PFDN2: variants seen among roughly 807,000 people sequenced by gnomAD.
The protein encoded by PFDN2 is prefoldin 2.
In PFDN2, 7 loss-of-function variants were observed where a neutral mutation model predicts 18.3. That is an observed-to-expected ratio of 0.38 (90% CI 0.22 to 0.72). The LOEUF (loss-of-function observed/expected upper bound fraction) is 0.72, where lower values mean the gene tolerates loss of function less well. PFDN2 is among the 30% of genes least tolerant of loss of function. PFDN2 has a pLI of 0.47. For missense variants in PFDN2, 181 were observed against 199.1 expected (o/e 0.91, Z 0.55); for synonymous variants, 76 against 75.0 (o/e 1.01, Z -0.07).
At chr1:161,102,214 C>G (rs376575550) in intron 2 of PFDN2, 43 bp from the exon 3 acceptor site, 1 of 1,613,888 alleles carries the variant, frequency 6.2e-7, no homozygotes, top group East Asian at 2.2e-5. Context: ...TTCAGCCCCA[C>G]TCTACTACAA....
At chr1:161,110,843 C>T (rs1571187593) in intron 1 of PFDN2, among the ~76,000 whole-genome samples, 2 of 118,258 alleles carry the variant, frequency 1.7e-5, no homozygotes, top group Non-Finnish European at 3.4e-5. Flanking sequence ...TTTGTAGAGA[C>T]TTTTTTTTTT....
intron 1 of PFDN2, among the ~76,000 whole-genome samples, chr1:161,105,652 T>C (rs966458764): frequency 2.3e-4 from 35 of 151,980 alleles, no homozygotes; most frequent in Non-Finnish European, 4.0e-4. Flanking sequence ...GAGATGGGGG[T>C]TCCACCATAT....
intron 1 of PFDN2, among the ~76,000 whole-genome samples, chr1:161,114,162 T>C (rs1412320000): frequency 6.6e-6 from 1 of 152,256 alleles, no homozygotes; most frequent in Non-Finnish European, 1.5e-5. Flanking sequence ...TCAGATTTCT[T>C]ACTGTATCTC....
intron 1 of PFDN2, among the ~76,000 whole-genome samples, chr1:161,114,356 C>A (rs114356158): frequency 0.019 from 2,900 of 152,294 alleles, 41 homozygotes; most frequent in Admixed American, 0.03. Flanking sequence ...TCTTTTACCC[C>A]CTTTTCTCCA....
rs546670890 is a variant in PFDN2, at chr1:161,109,100, T to C, written c.76-6725A>G. 3.3e-5 allele frequency among the ~76,000 whole-genome samples: 5 copies of C among 152,342 alleles called. No homozygotes were observed. In the South Asian group the frequency reaches 1.0e-3, roughly 32 times the overall value. ...AAGTCATATAAAGACCGGGTTCCAG[T>C]TTACCTCTCCCAATCAGTTGTTCCC... is the stretch of plus-strand genomic sequence containing the variant. On this transcript the variant is annotated intron_variant, in intron 1 of 3. Transcript: ENST00000368010.
chr1:161,111,305 A>G (rs1200672907), intron 1 of PFDN2, among the ~76,000 whole-genome samples: 2 of 152,162 alleles, frequency 1.3e-5, no homozygotes, highest in Non-Finnish European at 2.9e-5. Context: ...CAGTTTTGCC[A>G]TTTACTTGCT....
chr1:161,100,979 G>A (rs1368671838), intron 3 of PFDN2, 120 bp from the exon 4 acceptor site: 1 of 656,286 alleles, frequency 1.5e-6, no homozygotes, highest in Non-Finnish European at 2.6e-6. Flanking sequence ...AAGTAGAGGA[G>A]CCCAGACATT....
At chr1:161,106,130 T>C (rs576613481) in intron 1 of PFDN2, among the ~76,000 whole-genome samples, 29 of 152,236 alleles carry the variant, frequency 1.9e-4, no homozygotes, top group African/African-American at 6.7e-4. Flanking sequence ...TCTTTAAAAG[T>C]ATGACACCTA....
chr1:161,117,933 C>T lies in PFDN2; in HGVS notation c.75+19G>A. The T allele has an allele frequency of 1.9e-6, 3 of 1,599,396 alleles. No individual in the cohort carries two copies. The highest frequency in any genetic ancestry group is 2.6e-6 in the Non-Finnish European group (3 of 1,171,544). ...CCAGACCCAGGTGGGTACCCTGCTT[C>T]GCGTTAGCCACTCCTCACCTGCTCT... On this transcript the variant is annotated intron_variant, in intron 1 of 3. Transcript: ENST00000368010.
chr1:161,114,422 G>T (rs556134923), intron 1 of PFDN2, among the ~76,000 whole-genome samples: 16 of 152,226 alleles, frequency 1.1e-4, no homozygotes, highest in African/African-American at 3.9e-4. Flanking sequence ...TCCCAAACAT[G>T]CCAGGCAGTT....
Position 161,104,416 on chromosome 1 carries a change from G to C in PFDN2, c.76-2041C>G, listed in dbSNP as rs181372147. On this transcript the variant is annotated intron_variant, in intron 1 of 3. Transcript: ENST00000368010. ...ATGATTAACCACTTCATCTTTACTA[G>C]GGCCCTATCTCTTTTTTTCTTTTTC... 2.0e-4 allele frequency among the ~76,000 whole-genome samples: 31 copies of C among 151,350 alleles called. No individual in the cohort carries two copies. In the East Asian group the frequency reaches 5.6e-3, roughly 27 times the overall value.
At chr1:161,110,721 C>T (rs1042793444) in intron 1 of PFDN2, among the ~76,000 whole-genome samples, 1 of 152,058 alleles carries the variant, frequency 6.6e-6, no homozygotes, top group Non-Finnish European at 1.5e-5. Context: ...AGTTCAGTGC[C>T]CCCTTTTCTG....
intron 1 of PFDN2, 75 bp from the exon 2 acceptor site, chr1:161,102,450 AG>A: frequency 8.5e-7 from 1 of 1,177,336 alleles, no homozygotes; most frequent in Non-Finnish European, 1.3e-6. Flanking sequence ...ATAGGGTGGC[AG>A]GCTTTACAAA....
At chr1:161,117,887 C>A in intron 1 of PFDN2, 65 bp downstream of exon 1, 2 of 1,377,794 alleles carry the variant, frequency 1.5e-6, no homozygotes, top group South Asian at 1.3e-5. Flanking sequence ...AAGCCACAGG[C>A]TCCCCCTTCT....
At chr1:161,102,513 G>A (rs1571181597) in intron 1 of PFDN2, 138 bp from the exon 2 acceptor site, 1 of 628,240 alleles carries the variant, frequency 1.6e-6, no homozygotes, top group Non-Finnish European at 2.8e-6. Flanking sequence ...ACAAGTTTGC[G>A]ATTTCTACCT....
intron 1 of PFDN2, among the ~76,000 whole-genome samples, chr1:161,113,675 G>A (rs916602798): frequency 6.6e-6 from 1 of 152,174 alleles, no homozygotes; most frequent in African/African-American, 2.4e-5. Flanking sequence ...CAGTAACTTG[G>A]GAGGCTGAGG....
intron 1 of PFDN2, among the ~76,000 whole-genome samples, chr1:161,111,903 T>C (rs1654817971): frequency 6.6e-6 from 1 of 152,232 alleles, no homozygotes; most frequent in South Asian, 2.1e-4. Flanking sequence ...GGGTAACCTA[T>C]ACTATTTCAA....
intron 1 of PFDN2, among the ~76,000 whole-genome samples, chr1:161,106,170 G>T (rs1454232195): frequency 6.6e-6 from 1 of 152,022 alleles, no homozygotes; most frequent in Non-Finnish European, 1.5e-5. Context: ...CTCCCACTAT[G>T]CATAAGACAC....
chr1:161,110,011 G>A lies in PFDN2; in HGVS notation c.76-7636C>T, dbSNP rs185766557. 7.3e-4 allele frequency among the ~76,000 whole-genome samples: 111 copies of A among 151,550 alleles called. No homozygotes were observed. The East Asian group carries it at 0.014, about 19-fold the overall frequency. On this transcript the variant is annotated intron_variant, in intron 1 of 3. Transcript: ENST00000368010. ...GGAAGTTGCAGTGAACCCAGATTGT[G>A]CCATTACACTCCAGCCTGGGTGACA...
Sources: gnomAD v4.1 joint callset for allele counts (sites outside exome capture counted in the v4.1 genomes callset) on GRCh38, gnomAD v4.1.1 for gene constraint, MANE v1.5 for transcripts, NCBI Gene and HGNC (gene_info 2026-07-23, HGNC 2026-07-21) for gene names.